Variants in ENTHD1 observed in about 807,000 individuals in gnomAD.
ENTHD1 encodes ENTH domain containing 1.
In ENTHD1, 23 loss-of-function variants were observed where a neutral mutation model predicts 39.1. The ratio of observed to expected loss-of-function variants is 0.59; its 90% confidence interval spans 0.42 to 0.83. The LOEUF (loss-of-function observed/expected upper bound fraction) is 0.83. ENTHD1 is among the 40% of genes least tolerant of loss of function. The probability of loss-of-function intolerance (pLI) is 0.00; values close to 1 mark genes in which losing one functional copy is unlikely to be tolerated. For synonymous variants in ENTHD1, 230 were observed against 258.2 expected (o/e 0.89, Z 1.05); for missense variants, 624 against 705.4 (o/e 0.88, Z 1.31).
chr22:39,825,435 G>A (rs2065819011), intron 4 of ENTHD1, among the ~76,000 whole-genome samples: 1 of 152,078 alleles, frequency 6.6e-6, no homozygotes. Flanking sequence ...TTAAACTTGG[G>A]ATCAGGGTAA....
intron 2 of ENTHD1, among the ~76,000 whole-genome samples, chr22:39,871,216 T>C (rs1279083614): frequency 3.3e-5 from 5 of 150,650 alleles, no homozygotes; most frequent in African/African-American, 1.2e-4. Flanking sequence ...AATAAATAAA[T>C]AAATACGGAC....
rs1299375185 is a variant in ENTHD1 at position 39,805,286 on chromosome 22, A to C, written c.832+15707T>G. On this transcript the variant is annotated intron_variant, in intron 5 of 6. Transcript: ENST00000325157. ...TCAACCCTCTTCACCTCACAGCTGA[A>C]GGATGGAAGAAATAGAACGGAAGTA... Among the ~76,000 whole-genome samples, 3 of 152,234 alleles carry C rather than the reference A, an allele frequency of 2.0e-5. No individual in the cohort carries two copies. The East Asian group carries it at 5.8e-4, about 29-fold the overall frequency.
At chr22:39,772,384 G>A (rs1390252558) in intron 5 of ENTHD1, among the ~76,000 whole-genome samples, 1 of 152,092 alleles carries the variant, frequency 6.6e-6, no homozygotes, top group East Asian at 1.9e-4. Context: ...AGGGGTTGGG[G>A]ACCCCTGGAC....
intron 5 of ENTHD1, among the ~76,000 whole-genome samples, chr22:39,774,076 G>A (rs1197168165): frequency 6.6e-6 from 1 of 152,118 alleles, no homozygotes; most frequent in African/African-American, 2.4e-5. Context: ...ACAGAACCAG[G>A]GCTGGCAGAC....
At chr22:39,775,547 A>G (rs942714118) in intron 5 of ENTHD1, among the ~76,000 whole-genome samples, 15 of 152,218 alleles carry the variant, frequency 9.9e-5, no homozygotes, top group African/African-American at 3.6e-4. Context: ...GGGGAATAAA[A>G]GAAGGAACAA....
intron 2 of ENTHD1, chr22:39,875,193 T>G: frequency 4.2e-6 from 3 of 715,698 alleles, no homozygotes; most frequent in South Asian, 6.9e-5. Flanking sequence ...CTCAGAAACA[T>G]TATGTTGAGA....
intron 5 of ENTHD1, among the ~76,000 whole-genome samples, chr22:39,768,977 GATAC>G (rs1215046711): frequency 6.6e-6 from 1 of 150,918 alleles, no homozygotes; most frequent in Non-Finnish European, 1.5e-5. Context: ...TATATAGATA[GATAC>G]ATATACACAC....
intron 3 of ENTHD1, among the ~76,000 whole-genome samples, chr22:39,858,742 C>A (rs1375102462): frequency 6.6e-6 from 1 of 152,186 alleles, no homozygotes; most frequent in Non-Finnish European, 1.5e-5. Flanking sequence ...ACCAGGTGCA[C>A]TGTCAATGAG....
intron 5 of ENTHD1, among the ~76,000 whole-genome samples, chr22:39,771,406 C>G (rs1311336485): frequency 6.6e-6 from 1 of 152,100 alleles, no homozygotes; most frequent in Non-Finnish European, 1.5e-5. Context: ...ACAGTCTTAA[C>G]TGGCCTGAAG....
chr22:39,823,988 C>T (rs1192513994), intron 4 of ENTHD1, among the ~76,000 whole-genome samples: 2 of 152,122 alleles, frequency 1.3e-5, no homozygotes, highest in Non-Finnish European at 2.9e-5. Flanking sequence ...TCTAATTGGA[C>T]TGTTTGGTTT....
intron 6 of ENTHD1, among the ~76,000 whole-genome samples, chr22:39,757,498 G>A (rs1257058471): frequency 1.3e-5 from 2 of 151,914 alleles, no homozygotes; most frequent in African/African-American, 2.4e-5. Flanking sequence ...TCAACATGGC[G>A]AAACCCCATC....
chr22:39,784,495 C>CTAAG (rs1419590712), intron 5 of ENTHD1, among the ~76,000 whole-genome samples: 4 of 151,374 alleles, frequency 2.6e-5, no homozygotes, highest in Non-Finnish European at 5.9e-5. Context: ...TAGAATCAAC[C>CTAAG]TAAGTGCCCA....
intron 5 of ENTHD1, among the ~76,000 whole-genome samples, chr22:39,804,938 C>T (rs2146622446): frequency 6.7e-6 from 1 of 150,220 alleles, no homozygotes; most frequent in South Asian, 2.2e-4. Context: ...GACTGAGAAT[C>T]CTGAGGATAG....
chr22:39,885,181 A>C (rs2066370004), intron 2 of ENTHD1, among the ~76,000 whole-genome samples: 1 of 152,224 alleles, frequency 6.6e-6, no homozygotes, highest in African/African-American at 2.4e-5. Flanking sequence ...AATAATGGGC[A>C]AAGGATTGGA....
intron 2 of ENTHD1, among the ~76,000 whole-genome samples, chr22:39,877,538 A>C (rs2066301442): frequency 6.6e-6 from 1 of 152,318 alleles, no homozygotes; most frequent in Non-Finnish European, 1.5e-5. Flanking sequence ...CAAGGAAACA[A>C]GTGCTGAGGT....
chr22:39,780,731 G>T (rs1438936830), intron 5 of ENTHD1, among the ~76,000 whole-genome samples: 1 of 152,194 alleles, frequency 6.6e-6, no homozygotes, highest in Admixed American at 6.5e-5. Flanking sequence ...GGGCACGGTG[G>T]CTTGCGCCTA....
At chr22:39,775,640 A>C (rs1365953885) in intron 5 of ENTHD1, among the ~76,000 whole-genome samples, 3 of 152,122 alleles carry the variant, frequency 2.0e-5, no homozygotes, top group African/African-American at 7.2e-5. Context: ...TCATAACGTA[A>C]AGAGACTCGA....
At chr22:39,798,288 G>A (rs1393561583) in intron 5 of ENTHD1, among the ~76,000 whole-genome samples, 1 of 151,324 alleles carries the variant, frequency 6.6e-6, no homozygotes, top group African/African-American at 2.4e-5. Flanking sequence ...CTAGGATTTT[G>A]GTTTTGTTCT....
intron 3 of ENTHD1, among the ~76,000 whole-genome samples, chr22:39,850,491 C>A (rs2146703478): frequency 6.6e-6 from 1 of 152,286 alleles, no homozygotes; most frequent in East Asian, 1.9e-4. Flanking sequence ...CTGATAGTCT[C>A]TGCCTTTTAA....
Sources: gnomAD v4.1 joint callset for allele counts (sites outside exome capture counted in the v4.1 genomes callset) on GRCh38, gnomAD v4.1.1 for gene constraint, MANE v1.5 for transcripts, NCBI Gene and HGNC (gene_info 2026-07-23, HGNC 2026-07-21) for gene names.